The following METTL15 variants were observed in gnomAD, a reference collection of about 807,000 sequenced individuals.
The protein encoded by METTL15 is methyltransferase 15, mitochondrial 12S rRNA N4-cytidine.
A neutral mutation model predicts 38.3 loss-of-function variants in METTL15; 34 were observed. The ratio of observed to expected loss-of-function variants is 0.89; its 90% CI spans 0.68 to 1.18. The LOEUF (loss-of-function observed/expected upper bound fraction) is 1.18. Among genes scored for constraint, METTL15 ranks in the 50% most tolerant of loss-of-function variants. METTL15 has a pLI of 0.00. For synonymous variants in METTL15, 162 were observed against 170.9 expected (o/e 0.95, Z 0.41); for missense variants, 438 against 498.4 (o/e 0.88, Z 1.15).
At chr11:28,161,297 T>C (rs1850455349) in intron 3 of METTL15, among the ~76,000 whole-genome samples, 1 of 151,916 alleles carries the variant, frequency 6.6e-6, no homozygotes, top group Non-Finnish European at 1.5e-5. Context: ...AATTTTTGTT[T>C]TTTAGTAGAG....
chr11:28,367,575 C>G (rs1850199049), intron 5 of METTL15, among the ~76,000 whole-genome samples: 1 of 152,118 alleles, frequency 6.6e-6, no homozygotes. Flanking sequence ...CACTGACTTT[C>G]TTCATGGAAT....
At chr11:28,164,155 A>G (rs1850572181) in intron 3 of METTL15, 1 of 152,092 alleles carries the variant, frequency 6.6e-6, no homozygotes, top group Non-Finnish European at 1.5e-5. Context: ...TTATGTTAAT[A>G]TTTCACTTAT....
At chr11:28,133,221 C>T (rs1246481501) in intron 3 of METTL15, among the ~76,000 whole-genome samples, 1 of 151,998 alleles carries the variant, frequency 6.6e-6, no homozygotes, top group Non-Finnish European at 1.5e-5. Flanking sequence ...AATAGCTGGG[C>T]TAGAAATGGT....
chr11:28,366,945 G>A (rs1202795871), intron 5 of METTL15, among the ~76,000 whole-genome samples: 1 of 152,150 alleles, frequency 6.6e-6, no homozygotes, highest in Non-Finnish European at 1.5e-5. Flanking sequence ...AAGAATAGCT[G>A]TATTTAAATG....
At chr11:28,436,301 C>T (rs1031172452) in intron 6 of METTL15, among the ~76,000 whole-genome samples, 2 of 152,152 alleles carry the variant, frequency 1.3e-5, no homozygotes, top group Admixed American at 6.5e-5. Context: ...ATGACAGAAC[C>T]GAAGTGCAAC....
chr11:28,455,598 T>G (rs1345423299), intron 6 of METTL15, among the ~76,000 whole-genome samples: 1 of 152,248 alleles, frequency 6.6e-6, no homozygotes, highest in East Asian at 1.9e-4. Context: ...TAAAAATATC[T>G]AATATTCTAA....
At chr11:28,244,099 G>T (rs1453447926) in intron 4 of METTL15, among the ~76,000 whole-genome samples, 1 of 152,040 alleles carries the variant, frequency 6.6e-6, no homozygotes, top group Non-Finnish European at 1.5e-5. Context: ...TTCATAGATT[G>T]TTTAAAAACA....
chr11:28,261,985 T>TA (rs1449413640), intron 4 of METTL15, among the ~76,000 whole-genome samples: 2 of 152,192 alleles, frequency 1.3e-5, no homozygotes, highest in African/African-American at 4.8e-5. Flanking sequence ...CACAGAGAAC[T>TA]AATCATTGGC....
At chr11:28,204,358 T>G (rs2133825026) in intron 3 of METTL15, among the ~76,000 whole-genome samples, 1 of 151,932 alleles carries the variant, frequency 6.6e-6, no homozygotes, top group South Asian at 2.1e-4. Context: ...CGAGACCTAG[T>G]TTAGAATTCA....
intron 6 of METTL15, among the ~76,000 whole-genome samples, chr11:28,473,577 T>C (rs766454417): frequency 1.3e-5 from 2 of 152,112 alleles, no homozygotes; most frequent in Non-Finnish European, 1.5e-5. Flanking sequence ...GACTCTTTTC[T>C]CTTGAGAGCT....
chr11:28,124,288 T>C (rs1323547170), intron 3 of METTL15, among the ~76,000 whole-genome samples: 1 of 152,090 alleles, frequency 6.6e-6, no homozygotes, highest in Non-Finnish European at 1.5e-5. Context: ...GGACAGCTAT[T>C]TGGCCTAACG....
chr11:28,412,501 A>G (rs996689878), intron 5 of METTL15, among the ~76,000 whole-genome samples: 7 of 152,038 alleles, frequency 4.6e-5, no homozygotes, highest in East Asian at 1.9e-4. Context: ...TTAAGGTGAT[A>G]CATATATCAC....
intron 3 of METTL15, among the ~76,000 whole-genome samples, chr11:28,210,719 G>C (rs1326305148): frequency 6.6e-6 from 1 of 151,972 alleles, no homozygotes; most frequent in Non-Finnish European, 1.5e-5. Flanking sequence ...AGAAATTATT[G>C]AAAATGTTAT....
At chr11:28,373,762 A>T (rs1850273165) in intron 5 of METTL15, among the ~76,000 whole-genome samples, 2 of 152,224 alleles carry the variant, frequency 1.3e-5, no homozygotes, top group South Asian at 2.1e-4. Flanking sequence ...CTGAATGGTA[A>T]TGCCTAGGTT....
At chr11:28,496,064 T>C (rs761844889) in intron 6 of METTL15, among the ~76,000 whole-genome samples, 2 of 152,196 alleles carry the variant, frequency 1.3e-5, no homozygotes. Context: ...GTCAATAATA[T>C]GCTGCAAAAA....
At chr11:28,291,872 G>T (rs919133751) in intron 5 of METTL15, among the ~76,000 whole-genome samples, 1 of 151,918 alleles carries the variant, frequency 6.6e-6, no homozygotes, top group African/African-American at 2.4e-5. Flanking sequence ...GTGAATCAGG[G>T]TCCCTGTGGT....
rs144128541 is a variant in METTL15, at chr11:28,450,438, A to G, written c.*424+26074A>G. ...TTTCTAATCTGTAAAATATGATAAT[A>G]CTAATCTCACAGGACTTTTGTGAAG... On this transcript the variant is annotated intron_variant and NMD_transcript_variant, in intron 6 of 7. Coordinates refer to the METTL15 transcript ENST00000532947. Among the ~76,000 whole-genome samples, 364 of 152,358 alleles carry G rather than the reference A, an allele frequency of 2.4e-3. 2 individuals are homozygous for G. The highest frequency in any genetic ancestry group is 8.3e-3 in the African/African-American group (346 of 41,590).
Position 28,118,858 on chromosome 11 carries a change from A to C in METTL15, c.270+5254A>C, listed in dbSNP as rs189997594. Among the ~76,000 whole-genome samples, 194 of 152,318 alleles carry C rather than the reference A, an allele frequency of 1.3e-3. 6 individuals carry two copies. The East Asian group carries it at 0.032, about 25-fold the overall frequency. ...GGTTACTGTAAGGATTAGATGAGTTAATATACATAAATTGTTTAGAATTGT... is the reference window on the plus strand; with the variant it reads ...GGTTACTGTAAGGATTAGATGAGTTCATATACATAAATTGTTTAGAATTGT... On this transcript the variant is annotated intron_variant, in intron 3 of 6. Coordinates refer to ENST00000407364, the MANE Select transcript of METTL15 (RefSeq NM_001113528.2).
rs575956200 is a variant in METTL15, at chr11:28,525,062, G to A, written c.*425-1416G>A. 4.6e-5 allele frequency among the ~76,000 whole-genome samples: 7 copies of A among 151,890 alleles called. No individual in the cohort carries two copies. The South Asian group carries it at 1.0e-3, about 23-fold the overall frequency. The stretch of plus-strand genomic sequence containing the variant: ...GTTGCTCGTTCCTCCTGGTGGGTTC[G>A]TGGTCTCGCTGGCTTCAGGAGTGAA... On this transcript the variant is annotated intron_variant and NMD_transcript_variant, in intron 6 of 7. Coordinates refer to the METTL15 transcript ENST00000532947.
Sources: allele counts gnomAD v4.1 joint callset (sites outside exome capture counted in the v4.1 genomes callset), GRCh38; gene constraint gnomAD v4.1.1; transcripts MANE v1.5; gene names NCBI Gene and HGNC (gene_info 2026-07-23, HGNC 2026-07-21).